TRAPPC8: variants seen among roughly 807,000 people sequenced by gnomAD.
The protein encoded by TRAPPC8 is general sporulation gene 1 homolog.
In TRAPPC8, 54 loss-of-function variants were observed where a neutral mutation model predicts 174.3. That is an observed-to-expected ratio of 0.31 (90% CI 0.25 to 0.39). The LOEUF is 0.39. Among genes scored for constraint, TRAPPC8 ranks in the 10% least tolerant of loss-of-function variants. TRAPPC8 has a pLI of 1.00. For synonymous variants in TRAPPC8, 630 were observed against 579.9 expected (o/e 1.09, Z -1.24); for missense variants, 1,531 against 1,699.1 (o/e 0.90, Z 1.74).
chr18:31,877,088 G>T (rs922814260), intron 12 of TRAPPC8, among the ~76,000 whole-genome samples: 1 of 152,178 alleles, frequency 6.6e-6, no homozygotes, highest in African/African-American at 2.4e-5. Context: ...CTAGGGGAAG[G>T]GGGGACAGTA....
intron 26 of TRAPPC8, among the ~76,000 whole-genome samples, chr18:31,843,784 G>T (rs1400200368): frequency 6.6e-6 from 1 of 152,202 alleles, no homozygotes; most frequent in South Asian, 2.1e-4. Flanking sequence ...GGGATAGACG[G>T]AACAATGTGA....
intron 27 of TRAPPC8, among the ~76,000 whole-genome samples, chr18:31,839,040 C>T (rs193081838): frequency 1.3e-5 from 2 of 152,228 alleles, no homozygotes; most frequent in East Asian, 3.9e-4. Context: ...TTGCCTGATT[C>T]AGGACTTCTT....
At chr18:31,886,063 T>C (rs1037477044) in intron 12 of TRAPPC8, among the ~76,000 whole-genome samples, 3 of 151,078 alleles carry the variant, frequency 2.0e-5, no homozygotes, top group African/African-American at 7.3e-5. Flanking sequence ...TGGAGTGCAA[T>C]GGTGCAATCT....
chr18:31,886,002 AATT>A (rs916211052), intron 12 of TRAPPC8, among the ~76,000 whole-genome samples: 1 of 150,838 alleles, frequency 6.6e-6, no homozygotes, highest in African/African-American at 2.4e-5. Flanking sequence ...ATTGTTTCCA[AATT>A]ATTATTATTA....
chr18:31,849,440 A>G, intron 25 of TRAPPC8, 126 bp downstream of exon 25: 4 of 845,720 alleles, frequency 4.7e-6, no homozygotes, highest in Non-Finnish European at 6.5e-6. Context: ...TGTAACTGTT[A>G]AAGTTTCAAT....
At chr18:31,931,262 C>G (rs2037832900) in intron 2 of TRAPPC8, 67 bp downstream of exon 2, 2 of 1,408,596 alleles carry the variant, frequency 1.4e-6, no homozygotes, top group Non-Finnish European at 1.9e-6. Flanking sequence ...TCTCCCAAGT[C>G]ATAGAATCGC....
intron 27 of TRAPPC8, among the ~76,000 whole-genome samples, chr18:31,838,919 T>C (rs1465703980): frequency 6.6e-6 from 1 of 152,110 alleles, no homozygotes; most frequent in Non-Finnish European, 1.5e-5. Context: ...CCTATCCCCA[T>C]CCCCATCCAG....
At position 31,890,706 on chromosome 18, in the gene TRAPPC8, A is replaced by G. The variant is rs533058051; in HGVS notation, c.1728+29T>C. 64 of 1,584,066 alleles carry G rather than the reference A, an allele frequency of 4.0e-5. No homozygotes were observed. In the African/African-American group the frequency reaches 8.3e-4, roughly 21 times the overall value. ...ACACACATTTATAAAATAAATAGCA[A>G]CTTTTCATTGTAAAGCAAATGCACT... On this transcript the variant is annotated intron_variant, in intron 12 of 28. Transcript: ENST00000283351.
intron 10 of TRAPPC8, among the ~76,000 whole-genome samples, chr18:31,899,486 A>G (rs889183545): frequency 6.6e-6 from 1 of 152,222 alleles, no homozygotes; most frequent in African/African-American, 2.4e-5. Flanking sequence ...GGGGTCTTAT[A>G]GGGGTCAAAA....
chr18:31,885,504 T>G (rs1246199727), intron 12 of TRAPPC8, among the ~76,000 whole-genome samples: 1 of 132,416 alleles, frequency 7.6e-6, no homozygotes, highest in Non-Finnish European at 1.7e-5. Context: ...TCAATGCCAA[T>G]TTTTTTTTAC....
chr18:31,859,844 C>T (rs1000365092), intron 19 of TRAPPC8, among the ~76,000 whole-genome samples: 9 of 152,064 alleles, frequency 5.9e-5, no homozygotes, highest in Middle Eastern at 6.8e-3. Context: ...GGTGAAGCCC[C>T]GTCTCTACTA....
intron 12 of TRAPPC8, among the ~76,000 whole-genome samples, chr18:31,880,398 T>TA (rs2035389499): frequency 1.3e-5 from 2 of 151,700 alleles, no homozygotes; most frequent in South Asian, 4.1e-4. Flanking sequence ...TTAAAAACCA[T>TA]ATGATCATCT....
chr18:31,909,022 G>A lies in TRAPPC8; in HGVS notation c.866-12C>T. On this transcript the variant is annotated splice_polypyrimidine_tract_variant and intron_variant, in intron 6 of 28. Coordinates refer to ENST00000283351, the MANE Select transcript of TRAPPC8 (RefSeq NM_014939.5). Reference sequence around the variant, plus strand: ...ATTTGGTAAGCCATCTACTGAAAAAGAGATTATTTCTTTTACTCTCAGAAT... The same window carrying A: ...ATTTGGTAAGCCATCTACTGAAAAAAAGATTATTTCTTTTACTCTCAGAAT... The A allele has an allele frequency of 6.3e-7, 1 of 1,582,468 alleles. No homozygotes were observed. The highest frequency in any genetic ancestry group is 8.6e-7 in the Non-Finnish European group (1 of 1,162,840).
intron 24 of TRAPPC8, among the ~76,000 whole-genome samples, chr18:31,852,202 G>A (rs1384098924): frequency 6.6e-6 from 1 of 152,048 alleles, no homozygotes; most frequent in Non-Finnish European, 1.5e-5. Flanking sequence ...CTAGCCAGGT[G>A]TGATGGCTGA....
intron 26 of TRAPPC8, among the ~76,000 whole-genome samples, chr18:31,846,499 CG>C (rs1308070417): frequency 1.3e-5 from 2 of 151,966 alleles, no homozygotes; most frequent in Non-Finnish European, 2.9e-5. Flanking sequence ...CACCTGAGCC[CG>C]GGGAGGTCAA....
At chr18:31,856,807 CTTTTTTTTT>C (rs79712667) in intron 20 of TRAPPC8, among the ~76,000 whole-genome samples, 1 of 109,940 alleles carries the variant, frequency 9.1e-6, no homozygotes, top group Non-Finnish European at 1.8e-5. Context: ...ATGCTAAAAT[CTTTTTTTTT>C]TTTTTTTTTT....
At chr18:31,855,974 T>C (rs922728185) in intron 20 of TRAPPC8, among the ~76,000 whole-genome samples, 167 bp from the exon 21 acceptor site, 1 of 152,206 alleles carries the variant, frequency 6.6e-6, no homozygotes, top group African/African-American at 2.4e-5. Context: ...CTAACTTCAG[T>C]TCAATTCTTT....
chr18:31,873,666 AG>A (rs1451810312), intron 13 of TRAPPC8, 128 bp from the exon 14 acceptor site: 1 of 598,274 alleles, frequency 1.7e-6, no homozygotes, highest in East Asian at 3.1e-5. Context: ...TGTAATTACT[AG>A]TTTTATTTCT....
At chr18:31,936,815 T>C (rs981654142) in intron 1 of TRAPPC8, among the ~76,000 whole-genome samples, 4 of 149,138 alleles carry the variant, frequency 2.7e-5, no homozygotes, top group Admixed American at 6.7e-5. Flanking sequence ...GGCAGGAGAA[T>C]TGCTTGAACC....
Sources: allele counts gnomAD v4.1 joint callset (sites outside exome capture counted in the v4.1 genomes callset), GRCh38; gene constraint gnomAD v4.1.1; transcripts MANE v1.5; gene names NCBI Gene and HGNC (gene_info 2026-07-23, HGNC 2026-07-21).